The following CPLX2 variants were observed in gnomAD, a reference collection of about 807,000 sequenced individuals.
CPLX2 encodes the protein complexin-2.
Under a neutral mutation model 16.3 loss-of-function variants are expected in CPLX2, and 5 were observed. That is an observed-to-expected ratio of 0.31 (90% CI 0.16 to 0.64). The LOEUF (loss-of-function observed/expected upper bound fraction) is 0.64, where lower values mean the gene tolerates loss of function less well. Ranked by LOEUF, CPLX2 falls within the 30% of genes least tolerant of loss-of-function variation. The probability of loss-of-function intolerance (pLI) is 0.79; values close to 1 mark genes in which losing one functional copy is unlikely to be tolerated. For missense variants in CPLX2, 144 were observed against 181.4 expected (o/e 0.79, Z 1.18); for synonymous variants, 89 against 73.2 (o/e 1.22, Z -1.10).
rs774530118 is a variant in CPLX2, at chr5:175,849,993, A to C, written c.-88-28659A>C. ...TGAATCAGGGGCTCCCTGTGCTCCA[A>C]AGGAGCCACATACACAGAAGTCATC... On this transcript the variant is annotated intron_variant, in intron 2 of 4. Coordinates refer to the CPLX2 transcript ENST00000359546. The surrounding 1 kb of genome is among the most constrained non-coding windows in gnomAD (Gnocchi z 4.4). Among the ~76,000 whole-genome samples, 1 of 152,172 alleles carries C rather than the reference A, an allele frequency of 6.6e-6. No homozygotes were observed.
chr5:175,853,755 G>A (rs542727506), intron 2 of CPLX2, among the ~76,000 whole-genome samples: 2 of 152,214 alleles, frequency 1.3e-5, no homozygotes, highest in South Asian at 2.1e-4. Context: ...GGAACCACAC[G>A]GCCAGAGCAC....
Position 175,830,244 on chromosome 5 carries a change from G to T in CPLX2, c.-89+21176G>T, listed in dbSNP as rs1020809024. On this transcript the variant is annotated intron_variant, in intron 2 of 4. Transcript: ENST00000359546. This position sits in a 1 kb window ranked among gnomAD's most constrained non-coding sequence, Gnocchi z 4.0. ...CCTGCCCCCGGGGGAGCACAGCCCA[G>T]CAAGAGGGAAATGATGGCATCTTTT... is the stretch of plus-strand genomic sequence containing the variant. Among the ~76,000 whole-genome samples, 1 of 152,148 alleles carries T rather than the reference G, an allele frequency of 6.6e-6. No homozygotes were observed. The highest frequency in any genetic ancestry group is 2.1e-4 in the South Asian group (1 of 4,830).
intron 2 of CPLX2, among the ~76,000 whole-genome samples, chr5:175,821,500 T>C (rs372742807): frequency 1.8e-4 from 27 of 152,286 alleles, no homozygotes; most frequent in Admixed American, 1.1e-3. Flanking sequence ...CTCTGCCTCC[T>C]GGGTTCAAGT....
chr5:175,850,645 C>CA (rs747938384), intron 2 of CPLX2, among the ~76,000 whole-genome samples: 21 of 152,298 alleles, frequency 1.4e-4, no homozygotes, highest in South Asian at 2.1e-4. Flanking sequence ...AGAAGTCCTG[C>CA]AGGGGAAGTC....
chr5:175,866,142 C>G (rs1164472860), intron 2 of CPLX2, among the ~76,000 whole-genome samples: 1 of 152,198 alleles, frequency 6.6e-6, no homozygotes, highest in African/African-American at 2.4e-5. Context: ...GAGGGGGACC[C>G]TCTCGAGAGC....
intron 2 of CPLX2, among the ~76,000 whole-genome samples, chr5:175,863,706 C>T (rs140430797): frequency 5.9e-5 from 9 of 152,210 alleles, no homozygotes; most frequent in Non-Finnish European, 1.2e-4. Context: ...GAAGAAACAA[C>T]TGGAGGTTGA....
intron 2 of CPLX2, among the ~76,000 whole-genome samples, chr5:175,859,571 C>G (rs950245616): frequency 1.3e-5 from 2 of 152,340 alleles, no homozygotes; most frequent in East Asian, 1.9e-4. Flanking sequence ...TTGCCAGGAA[C>G]AGATGGCACC....
intron 2 of CPLX2, among the ~76,000 whole-genome samples, chr5:175,810,029 G>A (rs896610814): frequency 1.3e-5 from 2 of 152,280 alleles, no homozygotes; most frequent in South Asian, 2.1e-4. Context: ...GCTGGGCTCC[G>A]AGCCCCAGCA....
intron 2 of CPLX2, among the ~76,000 whole-genome samples, chr5:175,852,813 G>A (rs1045835239): frequency 6.6e-6 from 1 of 152,138 alleles, no homozygotes; most frequent in Non-Finnish European, 1.5e-5. Context: ...GGCAGGTGAA[G>A]GTGTCTCGCG....
intron 2 of CPLX2, among the ~76,000 whole-genome samples, chr5:175,836,923 T>C (rs1342212228): frequency 6.6e-6 from 1 of 152,196 alleles, no homozygotes; most frequent in Non-Finnish European, 1.5e-5. Flanking sequence ...GTGGCACAAG[T>C]GGTGCAGCCG....
chr5:175,858,223 C>G (rs1759296836), intron 2 of CPLX2, among the ~76,000 whole-genome samples: 1 of 152,188 alleles, frequency 6.6e-6, no homozygotes, highest in Non-Finnish European at 1.5e-5. Context: ...CTCCTGGAGC[C>G]CCAAAGTGCT....
intron 2 of CPLX2, among the ~76,000 whole-genome samples, chr5:175,858,465 T>C (rs966837303): frequency 6.6e-6 from 1 of 152,134 alleles, no homozygotes; most frequent in East Asian, 1.9e-4. Flanking sequence ...CTGGCCCATT[T>C]GAGGAGAGCT....
At chr5:175,867,694 C>T (rs765369038), upstream of CPLX2, among the ~76,000 whole-genome samples, 6 of 152,090 alleles carry the variant, frequency 3.9e-5, no homozygotes, top group Non-Finnish European at 5.9e-5. Context: ...CACCACACAC[C>T]GAGAGTCAGA....
intron 2 of CPLX2, among the ~76,000 whole-genome samples, chr5:175,825,811 C>T (rs58004481): frequency 1.3e-5 from 2 of 152,046 alleles, no homozygotes; most frequent in African/African-American, 4.8e-5. Flanking sequence ...GAGTGGAAAT[C>T]TCAGCTCCCA....
At chr5:175,837,316 C>G (rs1758856857) in intron 2 of CPLX2, among the ~76,000 whole-genome samples, 1 of 152,218 alleles carries the variant, frequency 6.6e-6, no homozygotes, top group African/African-American at 2.4e-5. Context: ...AAACTGGAGC[C>G]TTGAAACCTT....
chr5:175,819,335 G>A (rs192563118), intron 2 of CPLX2, among the ~76,000 whole-genome samples: 20 of 152,254 alleles, frequency 1.3e-4, no homozygotes, highest in Non-Finnish European at 2.8e-4. Flanking sequence ...CTTCCAAAAT[G>A]ATAGTAGCAA....
Position 175,883,382 on chromosome 5 carries a change from G to C in CPLX2, c.*3337G>C, listed in dbSNP as rs1755669836. The C allele has an allele frequency of 6.6e-6, 1 of 152,252 alleles. No homozygotes were observed. The highest frequency in any genetic ancestry group is 2.4e-5 in the African/African-American group (1 of 41,434). 9.4% of individuals were successfully genotyped at this position (152,252 alleles called of 1,614,324 possible). ...CCTCCAGATGGAATCAGGAAGTCGAGACACCATCCCAGGTGTGTGTAAGAG... is the reference window on the plus strand; with the variant it reads ...CCTCCAGATGGAATCAGGAAGTCGACACACCATCCCAGGTGTGTGTAAGAG... On this transcript the variant is annotated 3_prime_UTR_variant, in exon 4 of 4. Coordinates refer to ENST00000393745, the MANE Select transcript of CPLX2 (RefSeq NM_001008220.2).
At chr5:175,869,407 G>C (rs998387156), upstream of CPLX2, among the ~76,000 whole-genome samples, 5 of 152,158 alleles carry the variant, frequency 3.3e-5, no homozygotes, top group Non-Finnish European at 7.4e-5. Context: ...ACCCCACACA[G>C]GGCAGTCTAT....
chr5:175,804,546 A>G (rs1445972152), intron 1 of CPLX2, among the ~76,000 whole-genome samples: 1 of 152,232 alleles, frequency 6.6e-6, no homozygotes, highest in Non-Finnish European at 1.5e-5. Flanking sequence ...CTTAGTCACC[A>G]GGATTCAGTA....
Sources: gnomAD v4.1 joint callset for allele counts (sites outside exome capture counted in the v4.1 genomes callset) on GRCh38, gnomAD v4.1.1 for gene constraint, Gnocchi (gnomAD v3.1) non-coding constraint, MANE v1.5 for transcripts, NCBI Gene and HGNC (gene_info 2026-07-23, HGNC 2026-07-21) for gene names.